The following SCLT1 variants were observed in gnomAD, a reference collection of about 807,000 sequenced individuals.
SCLT1 encodes the protein sodium channel-associated protein 1.
A neutral mutation model predicts 112.8 loss-of-function variants in SCLT1; 78 were observed. That is an observed-to-expected ratio of 0.69 (90% CI 0.58 to 0.83). The LOEUF is 0.83. Ranked by LOEUF, SCLT1 falls within the 40% of genes least tolerant of loss-of-function variation. SCLT1 has a pLI of 0.00. For missense variants in SCLT1, 747 were observed against 770.4 expected, an observed-to-expected ratio of 0.97 and a Z score of 0.36; for synonymous variants, 257 against 254.7, an observed-to-expected ratio of 1.01 and a Z score of -0.09.
intron 10 of SCLT1, among the ~76,000 whole-genome samples, chr4:128,967,584 G>C (rs1740317096): frequency 1.3e-5 from 2 of 152,068 alleles, no homozygotes; most frequent in South Asian, 2.1e-4. Flanking sequence ...TTGCGATTTT[G>C]ATTTGCATTT....
intron 5 of SCLT1, among the ~76,000 whole-genome samples, chr4:129,022,499 T>C (rs933648158): frequency 5.3e-5 from 8 of 152,110 alleles, no homozygotes; most frequent in African/African-American, 1.9e-4. Flanking sequence ...TAGTGAAGCA[T>C]ACAAAAGTAT....
chr4:129,035,170 T>C (rs1251831003), intron 5 of SCLT1, among the ~76,000 whole-genome samples: 28 of 152,148 alleles, frequency 1.8e-4, no homozygotes, highest in Non-Finnish European at 2.9e-5. Context: ...TTAAGGACTT[T>C]GCAAAGGTTT....
intron 18 of SCLT1, among the ~76,000 whole-genome samples, chr4:128,922,107 C>A (rs893849125): frequency 1.2e-4 from 19 of 152,120 alleles, no homozygotes; most frequent in Non-Finnish European, 2.6e-4. Context: ...TACTATCTCA[C>A]CCACATCAGA....
chr4:128,970,229 G>C (rs1181724232), intron 10 of SCLT1, 149 bp downstream of exon 10: 4 of 616,806 alleles, frequency 6.5e-6, no homozygotes, highest in Non-Finnish European at 1.1e-5. Context: ...CAATAATATA[G>C]TTTAGCTTCC....
chr4:128,923,811 T>A (rs1404928428), intron 18 of SCLT1, among the ~76,000 whole-genome samples: 1 of 152,042 alleles, frequency 6.6e-6, no homozygotes, highest in Non-Finnish European at 1.5e-5. Flanking sequence ...TTTGTGTCGA[T>A]ATATTTTGGT....
chr4:128,902,287 G>A (rs7666529), intron 18 of SCLT1, among the ~76,000 whole-genome samples: 1 of 151,984 alleles, frequency 6.6e-6, no homozygotes, highest in Non-Finnish European at 1.5e-5. Context: ...TCATGCATCA[G>A]TTAATAATAG....
chr4:129,055,546 T>A (rs140433660), intron 2 of SCLT1, among the ~76,000 whole-genome samples: 1 of 152,300 alleles, frequency 6.6e-6, no homozygotes, highest in African/African-American at 2.4e-5. Context: ...TTCTGCCCAG[T>A]CTGACCTTCC....
chr4:129,025,087 A>C (rs1277846526), intron 5 of SCLT1, among the ~76,000 whole-genome samples: 2 of 152,220 alleles, frequency 1.3e-5, no homozygotes, highest in African/African-American at 4.8e-5. Context: ...TGTACCTGAA[A>C]GTGACGGGGA....
intron 5 of SCLT1, among the ~76,000 whole-genome samples, chr4:129,022,415 CT>C (rs2126125143): frequency 6.6e-6 from 1 of 152,314 alleles, no homozygotes; most frequent in Admixed American, 6.5e-5. Context: ...TTTACAGGAA[CT>C]GCTAACTAGA....
intron 5 of SCLT1, among the ~76,000 whole-genome samples, chr4:129,011,559 C>CT (rs1744523921): frequency 6.8e-6 from 1 of 147,690 alleles, no homozygotes; most frequent in African/African-American, 2.4e-5. Flanking sequence ...CAGCTTTCTT[C>CT]TTTTTGCTTA....
chr4:128,954,317 G>GTTTTTTTTTTT (rs372723818), intron 13 of SCLT1, among the ~76,000 whole-genome samples: 1 of 113,762 alleles, frequency 8.8e-6, no homozygotes, highest in Non-Finnish European at 1.8e-5. Flanking sequence ...GTCTATTTTA[G>GTTTTTTTTTTT]TTTTTTTTTT....
chr4:129,074,924 ACCCCTGGTCTCAAT>A, intron 2 of SCLT1, among the ~76,000 whole-genome samples: 1 of 152,116 alleles, frequency 6.6e-6, no homozygotes, highest in East Asian at 1.9e-4. Context: ...CTGGTCTCAA[ACCCCTGGTCTCAAT>A]GATCCTCCTG....
chr4:129,053,914 G>A (rs904605521), intron 2 of SCLT1, among the ~76,000 whole-genome samples: 3 of 152,002 alleles, frequency 2.0e-5, no homozygotes, highest in African/African-American at 7.3e-5. Flanking sequence ...TCCATATTTA[G>A]TGCTTCCTTC....
At chr4:129,054,089 T>C (rs1436825743) in intron 2 of SCLT1, among the ~76,000 whole-genome samples, 1 of 152,220 alleles carries the variant, frequency 6.6e-6, no homozygotes, top group Non-Finnish European at 1.5e-5. Flanking sequence ...CACTCTCTTC[T>C]GGCTTCTAGC....
chr4:128,875,694 A>G (rs539920066), intron 4 of SCLT1, among the ~76,000 whole-genome samples: 4 of 152,316 alleles, frequency 2.6e-5, no homozygotes, highest in African/African-American at 9.6e-5. Flanking sequence ...GAGAGCATAT[A>G]TTAGGCATTT....
downstream of SCLT1, among the ~76,000 whole-genome samples, chr4:128,880,635 C>G (rs1283247204): frequency 6.6e-6 from 1 of 152,136 alleles, no homozygotes; most frequent in East Asian, 1.9e-4. Context: ...AATATCTGTC[C>G]AACAGTGTGA....
chr4:128,991,806 AT>A (rs1742595581), intron 9 of SCLT1, among the ~76,000 whole-genome samples: 1 of 151,842 alleles, frequency 6.6e-6, no homozygotes, highest in Non-Finnish European at 1.5e-5. Flanking sequence ...AAAAATAAAA[AT>A]TTTTAAACAA....
rs1275848280 is a variant in SCLT1 at position 129,003,975 on chromosome 4, T to A, written c.291-99A>T. Reference sequence around the variant, plus strand: ...AACATTTGGGTCAACAATAACTCTTTAAACAAAATCATTTTTAAGTAGACT... The same window carrying A: ...AACATTTGGGTCAACAATAACTCTTAAAACAAAATCATTTTTAAGTAGACT... On this transcript the variant is annotated intron_variant, in intron 5 of 20. Transcript: ENST00000281142. The A allele has an allele frequency of 5.8e-6, 6 of 1,035,278 alleles. No homozygotes were observed. In the African/African-American group the frequency reaches 9.7e-5, roughly 17 times the overall value. 64.1% of individuals were successfully genotyped at this position (1,035,278 alleles called of 1,614,324 possible). A position where few individuals can be genotyped will look rare whatever the true frequency, so the allele number is the denominator to read the frequency against.
chr4:128,992,867 T>C (rs1742694681), intron 8 of SCLT1, among the ~76,000 whole-genome samples: 1 of 152,024 alleles, frequency 6.6e-6, no homozygotes, highest in Admixed American at 6.6e-5. Flanking sequence ...GTCTTCTAGA[T>C]GTAGAAAAAC....
Sources: allele counts gnomAD v4.1 joint callset (sites outside exome capture counted in the v4.1 genomes callset), GRCh38; gene constraint gnomAD v4.1.1; transcripts MANE v1.5; gene names NCBI Gene and HGNC (gene_info 2026-07-23, HGNC 2026-07-21).